Variants in NXT2 observed in about 807,000 individuals in gnomAD.
The protein encoded by NXT2 is nuclear transport factor 2 like export factor 2.
Under a neutral mutation model 9.6 loss-of-function variants are expected in NXT2, and 1 was observed. The ratio of observed to expected loss-of-function variants is 0.10; its 90% CI spans 0.04 to 0.49. NXT2 has a LOEUF of 0.49. Ranked by LOEUF, NXT2 falls within the 20% of genes least tolerant of loss-of-function variation. NXT2 has a pLI of 0.95. For synonymous variants in NXT2, 22 were observed against 35.4 expected (o/e 0.62, Z 1.34); for missense variants, 48 against 100.3 (o/e 0.48, Z 2.23).
At chrX:109,541,714 A>G (rs1933423630) in intron 3 of NXT2, 95 bp downstream of exon 3, 2 of 691,980 alleles carry the variant, frequency 2.9e-6, no homozygotes, top group Non-Finnish European at 4.2e-6. Context: ...TAGTGGTAGA[A>G]CTATTTACTT....
At chrX:109,537,349 A>G in intron 1 of NXT2, 1 of 860,861 alleles carries the variant, frequency 1.2e-6, no homozygotes, top group Non-Finnish European at 1.4e-6. Flanking sequence ...CCTGACAAAG[A>G]AACTGGCGAT....
chrX:109,537,224 C>T (rs1022213740), intron 1 of NXT2: 2 of 1,022,572 alleles, frequency 2.0e-6, no homozygotes, highest in Non-Finnish European at 1.2e-6. Flanking sequence ...TTTCTGATCC[C>T]GGAAAGGACC....
intron 1 of NXT2, 45 bp from the exon 2 acceptor site, chrX:109,538,000 G>A (rs1933323927): frequency 3.7e-6 from 3 of 805,024 alleles, no homozygotes; most frequent in African/African-American, 2.0e-5. Context: ...GTTTGTGAGG[G>A]GTTGAAAAGG....
intron 1 of NXT2, chrX:109,537,304 C>T (rs1000139108): frequency 4.7e-5 from 43 of 918,318 alleles, no homozygotes; most frequent in Admixed American, 5.9e-5. Context: ...TTCTTTCTCT[C>T]GATTATCTTC....
upstream of NXT2, among the ~76,000 whole-genome samples, chrX:109,536,161 A>G (rs1293399034): frequency 9.0e-6 from 1 of 111,663 alleles, no homozygotes; most frequent in Non-Finnish European, 1.9e-5. Context: ...CTGTAAAATG[A>G]AGATGATAAA....
rs781512474 is a variant in NXT2 at position 109,536,919 on chromosome X, G to A, written c.-88G>A. On this transcript the variant is annotated 5_prime_UTR_variant, in exon 1 of 4. Transcript: ENST00000372106. The stretch of plus-strand genomic sequence containing the variant: ...TTGGCGGGTTTCGCTCTCTTCATAA[G>A]TATTGATCATTCCGCAGCCCTGCGG... The A allele has an allele frequency of 2.7e-5, 33 of 1,210,161 alleles. No individual in the cohort carries two copies. Among genetic ancestry groups the A allele is most frequent in the Non-Finnish European group, 3.4e-5 (30 of 894,729 alleles).
intron 2 of NXT2, 22 bp downstream of exon 2, chrX:109,538,153 ACTC>A: frequency 3.2e-6 from 3 of 944,597 alleles, no homozygotes; most frequent in Non-Finnish European, 4.5e-6. Flanking sequence ...AGACTCTACT[ACTC>A]TTTATAGACT....
rs373934009 is a variant in NXT2 at position 109,537,060 on chromosome X, A to G, written c.15+39A>G. 241 of 1,187,647 alleles carry G rather than the reference A, an allele frequency of 2.0e-4. 3 individuals are homozygous for G. The highest frequency in any genetic ancestry group is 1.0e-3 in the Admixed American group (43 of 43,069). On this transcript the variant is annotated intron_variant, in intron 1 of 3. Transcript: ENST00000372106. Reference sequence around the variant, plus strand: ...CCGTGGCAGGACGGCTGGGCGCCGGACTCCAGTGGCTGAGAGGAGGGATTC... The same window carrying G: ...CCGTGGCAGGACGGCTGGGCGCCGGGCTCCAGTGGCTGAGAGGAGGGATTC...
rs919307046 is a variant in NXT2 at position 109,542,896 on chromosome X, C to T, written c.*208C>T. ...ACTATTTTTTTACATGCCTTATATA[C>T]ATTCCACTAATGACATTCTTATAAT... On this transcript the variant is annotated 3_prime_UTR_variant, in exon 4 of 4. Transcript: ENST00000372106. 1.0e-5 allele frequency: 3 copies of T among 286,988 alleles called. No individual in the cohort carries two copies. Among genetic ancestry groups the T allele is most frequent in the African/African-American group, 5.5e-5 (2 of 36,242 alleles). The allele number at this position is 286,988 out of a possible 1,213,427, so 23.7% of individuals were successfully genotyped here.
rs753158445 is a variant in NXT2, at chrX:109,542,633, C to T, written c.374C>T (p.Thr125Ile). Reference sequence around the variant, plus strand: ...ACTGCTCAGTCCACTCCCAACAATACTGTGTGGAAGATTGCAAGTGATTGC... The same window carrying T: ...ACTGCTCAGTCCACTCCCAACAATATTGTGTGGAAGATTGCAAGTGATTGC... Reference protein sequence around the residue: ...LLTAQSTPNNTVWKIASDCFR... With the variant: ...LLTAQSTPNNIVWKIASDCFR... The change falls in exon 4 of 4, where the codon ACT becomes ATT. Residue 125 changes from threonine (T) to isoleucine (I), a missense_variant. Physicochemically the swap from Thr to Ile is moderately conservative, Grantham distance 89. Coordinates refer to ENST00000372106, the MANE Select transcript of NXT2 (RefSeq NM_001242617.2). The T allele has an allele frequency of 3.3e-6, 4 of 1,203,408 alleles. No homozygotes were observed. The African/African-American group carries it at 7.0e-5, about 21-fold the overall frequency.
rs761298865 is a variant in NXT2 at position 109,542,700 on chromosome X, T to G, written c.*12T>G. 1.3e-5 allele frequency: 15 copies of G among 1,115,491 alleles called. No homozygotes were observed. The highest frequency in any genetic ancestry group is 1.8e-5 in the Non-Finnish European group (15 of 834,261). The allele number at this position is 1,115,491 out of a possible 1,213,427, so 91.9% of individuals were successfully genotyped here. On this transcript the variant is annotated 3_prime_UTR_variant, in exon 4 of 4. Coordinates refer to ENST00000372106, the MANE Select transcript of NXT2 (RefSeq NM_001242617.2). ...GGTCTAGTAGTTAAAGGGGCAAAAG[T>G]CCATTCTCATTTGGTCCATTAGTTC...
In NXT2 at chrX:109,542,146, T is replaced by C. The variant is rs1933432068; in HGVS notation, c.248-361T>C. Among the ~76,000 whole-genome samples the C allele has an allele frequency of 3.6e-5, 4 of 111,117 alleles. No individual in the cohort carries two copies. In the South Asian group the frequency reaches 1.5e-3, roughly 42 times the overall value. On this transcript the variant is annotated intron_variant, in intron 3 of 3. Transcript: ENST00000372106. ...CAGGGTGATTTTTTTCCTTTATAAT[T>C]CCTGAAAAGAACAATAGTTTAAGAA... is the stretch of plus-strand genomic sequence containing the variant.
At chrX:109,536,436 G>C (rs1338083954), upstream of NXT2, among the ~76,000 whole-genome samples, 1 of 112,517 alleles carries the variant, frequency 8.9e-6, no homozygotes, top group Non-Finnish European at 1.9e-5. Flanking sequence ...GTAATTTTAG[G>C]CATACTGCCA....
Position 109,543,792 on chromosome X carries a change from T to C in NXT2, c.*1104T>C, listed in dbSNP as rs1028591528. 8.9e-6 allele frequency: 1 copy of C among 111,795 alleles called. No individual in the cohort carries two copies. The highest frequency in any genetic ancestry group is 3.2e-5 in the African/African-American group (1 of 30,850). The allele number at this position is 111,795 out of a possible 1,213,427, so 9.2% of individuals were successfully genotyped here. On this transcript the variant is annotated 3_prime_UTR_variant, in exon 4 of 4. Transcript: ENST00000372106. ...TTTGGTGACACCCTTAAATTTTAAG[T>C]CTTCCAGTCTTCCATGTGAACTTTA... is the stretch of plus-strand genomic sequence containing the variant.
chrX:109,537,998 G>A lies in NXT2; in HGVS notation c.16-47G>A, dbSNP rs767026462. 3.7e-6 allele frequency: 3 copies of A among 804,700 alleles called. No individual in the cohort carries two copies. In the South Asian group the frequency reaches 6.4e-5, roughly 17 times the overall value. 66.3% of individuals were successfully genotyped at this position (804,700 alleles called of 1,213,427 possible). A position where few individuals can be genotyped will look rare whatever the true frequency, so the allele number is the denominator to read the frequency against. On this transcript the variant is annotated intron_variant, in intron 1 of 3. Transcript: ENST00000372106. ...TCTGTCAGTGGTTTTGTGTTTGTGAGGGGTTGAAAAGGTTGGTAATCTATA... is the reference window on the plus strand; with the variant it reads ...TCTGTCAGTGGTTTTGTGTTTGTGAAGGGTTGAAAAGGTTGGTAATCTATA...
At chrX:109,537,492 ATATT>A (rs932721402) in intron 1 of NXT2, 17 of 486,041 alleles carry the variant, frequency 3.5e-5, no homozygotes, top group South Asian at 1.1e-4. Flanking sequence ...ACAGCAGTGA[ATATT>A]TACGCAATGT....
At position 109,537,012 on chromosome X, in the gene NXT2, C is replaced by T. The variant is rs756411347; in HGVS notation, c.6C>T (p.Ala2=). The T allele has an allele frequency of 1.7e-6, 2 of 1,210,678 alleles. No individual in the cohort carries two copies. Among genetic ancestry groups the T allele is most frequent in the Non-Finnish European group, 2.2e-6 (2 of 894,883 alleles). ...ACACTGCTACAAGGTCCCAGATGGC[C>T]ACGTCTCTGGTGAGTGCCTGGGCCG... is the stretch of plus-strand genomic sequence containing the variant. M[A]TSLDFKTYVD... is the part of the protein sequence containing the mutation. The change falls in exon 1 of 4, where the codon GCC becomes GCT. Residue 2 remains alanine, a synonymous_variant. Transcript: ENST00000372106.
At chrX:109,536,716 A>T, upstream of NXT2, 1 of 620,117 alleles carries the variant, frequency 1.6e-6, no homozygotes, top group Non-Finnish European at 2.2e-6. Flanking sequence ...TATCATGTTT[A>T]CAAAAGCAAA....
At chrX:109,539,093 A>G (rs994634173) in intron 2 of NXT2, among the ~76,000 whole-genome samples, 1 of 110,092 alleles carries the variant, frequency 9.1e-6, no homozygotes, top group African/African-American at 3.3e-5. Context: ...TCATTATTCA[A>G]CTCCTACTTA....
Sources: gnomAD v4.1 joint callset for allele counts (sites outside exome capture counted in the v4.1 genomes callset) on GRCh38, gnomAD v4.1.1 for gene constraint, MANE v1.5 for transcripts, NCBI Gene and HGNC (gene_info 2026-07-23, HGNC 2026-07-21) for gene names.